Variants in PDE7A observed in about 807,000 individuals in gnomAD.
PDE7A encodes the protein high affinity 3',5'-cyclic-AMP phosphodiesterase 7A.
PDE7A carries 39 observed loss-of-function variants against 64.3 expected under a neutral mutation model. The ratio of observed to expected loss-of-function variants is 0.61; its 90% CI spans 0.47 to 0.79. The LOEUF (loss-of-function observed/expected upper bound fraction) is 0.79. Ranked by LOEUF, PDE7A falls within the 30% of genes least tolerant of loss-of-function variation. PDE7A has a pLI of 0.00. For missense variants in PDE7A, 470 were observed against 582.8 expected (o/e 0.81, Z 1.99); for synonymous variants, 203 against 206.8 (o/e 0.98, Z 0.16).
At chr8:65,814,531 AAAAAG>A (rs1162513960) in intron 1 of PDE7A, among the ~76,000 whole-genome samples, 1 of 150,900 alleles carries the variant, frequency 6.6e-6, no homozygotes, top group African/African-American at 2.4e-5. Flanking sequence ...AAAAAAAAAA[AAAAAG>A]GACTTTCATA....
intron 5 of PDE7A, among the ~76,000 whole-genome samples, chr8:65,740,538 G>C (rs1374128075): frequency 3.3e-5 from 5 of 151,962 alleles, no homozygotes; most frequent in African/African-American, 7.3e-5. Context: ...GTAGCAGGGA[G>C]TACAGGCACC....
chr8:65,718,284 C>G lies in PDE7A; in HGVS notation c.*1006G>C, dbSNP rs1478077674. On this transcript the variant is annotated 3_prime_UTR_variant, in exon 13 of 13. Transcript: ENST00000401827. Reference sequence around the variant, plus strand: ...GCACAGTCACACATGCACAAACATGCACGCAAACACACATCCGTACATTCA... The same window carrying G: ...GCACAGTCACACATGCACAAACATGGACGCAAACACACATCCGTACATTCA... The G allele has an allele frequency of 6.6e-6, 1 of 152,322 alleles. No individual in the cohort carries two copies. The highest frequency in any genetic ancestry group is 1.5e-5 in the Non-Finnish European group (1 of 68,050). The allele number at this position is 152,322 out of a possible 1,614,324, so 9.4% of individuals were successfully genotyped here.
intron 3 of PDE7A, among the ~76,000 whole-genome samples, chr8:65,777,454 C>A (rs1431399161): frequency 6.6e-6 from 1 of 152,122 alleles, no homozygotes; most frequent in East Asian, 1.9e-4. Flanking sequence ...TGGAAAAATA[C>A]TAATTAGGTC....
chr8:65,751,556 G>A (rs889421856), intron 3 of PDE7A, among the ~76,000 whole-genome samples: 3 of 151,838 alleles, frequency 2.0e-5, no homozygotes, highest in Admixed American at 6.6e-5. Context: ...GCAATGGTGC[G>A]ATATCGGCTC....
In PDE7A at chr8:65,842,053, G is replaced by A. The variant is rs1811112378; in HGVS notation, c.-545C>T. The A allele has an allele frequency of 1.0e-5, 2 of 196,052 alleles. No homozygotes were observed. The highest frequency in any genetic ancestry group is 8.1e-5 in the South Asian group (1 of 12,340). 12.1% of individuals were successfully genotyped at this position (196,052 alleles called of 1,614,324 possible). ...TTCACTCCGCCGCCGGCGCGAGCCC[G>A]GCGTAATTCACACTTTGCAGCCGCG... On this transcript the variant is annotated 5_prime_UTR_variant, in exon 1 of 13. Coordinates refer to ENST00000401827, the MANE Select transcript of PDE7A (RefSeq NM_001242318.3).
intron 1 of PDE7A, among the ~76,000 whole-genome samples, chr8:65,815,775 A>G (rs1810386657): frequency 6.6e-6 from 1 of 152,206 alleles, no homozygotes; most frequent in Non-Finnish European, 1.5e-5. Context: ...TTCAGATCCT[A>G]TGTTGTAACT....
At chr8:65,753,810 G>A (rs1301409526) in intron 3 of PDE7A, among the ~76,000 whole-genome samples, 2 of 152,068 alleles carry the variant, frequency 1.3e-5, no homozygotes, top group Non-Finnish European at 2.9e-5. Flanking sequence ...TTAGATATAC[G>A]TATGTGTTTA....
chr8:65,780,218 A>G (rs1380159910), intron 2 of PDE7A, among the ~76,000 whole-genome samples: 2 of 152,194 alleles, frequency 1.3e-5, no homozygotes, highest in Non-Finnish European at 2.9e-5. Flanking sequence ...AGCTGCAGAA[A>G]GAAGCAACAT....
intron 3 of PDE7A, among the ~76,000 whole-genome samples, chr8:65,751,790 CCCTT>C (rs756174898): frequency 8.5e-5 from 13 of 152,158 alleles, no homozygotes; most frequent in Non-Finnish European, 1.8e-4. Context: ...CTGCGCCCAG[CCCTT>C]CCTGAGTTTT....
chr8:65,836,783 C>T (rs944700246), intron 1 of PDE7A, among the ~76,000 whole-genome samples: 4 of 152,192 alleles, frequency 2.6e-5, no homozygotes, highest in African/African-American at 9.7e-5. Context: ...ATACTAGCCA[C>T]ATTTCAAGTG....
intron 1 of PDE7A, among the ~76,000 whole-genome samples, chr8:65,791,532 C>T (rs976752558): frequency 6.6e-6 from 1 of 152,218 alleles, no homozygotes; most frequent in African/African-American, 2.4e-5. Context: ...ACTGTGTTTG[C>T]AAGTGCCCTG....
chr8:65,724,956 A>G, intron 9 of PDE7A, 35 bp from the exon 10 acceptor site: 1 of 1,406,430 alleles, frequency 7.1e-7, no homozygotes, highest in Non-Finnish European at 9.8e-7. Flanking sequence ...AAAATATAAG[A>G]CTTTCAATTA....
chr8:65,734,519 C>T (rs1450870272), intron 7 of PDE7A, among the ~76,000 whole-genome samples: 1 of 152,152 alleles, frequency 6.6e-6, no homozygotes, highest in East Asian at 1.9e-4. Context: ...ACATGGAGCC[C>T]ATGTGGAGCT....
At chr8:65,833,101 G>A (rs771902012) in intron 1 of PDE7A, among the ~76,000 whole-genome samples, 1 of 152,072 alleles carries the variant, frequency 6.6e-6, no homozygotes, top group Non-Finnish European at 1.5e-5. Flanking sequence ...ACAACCAATC[G>A]AAATCTATAA....
At chr8:65,756,509 C>A (rs1047168019) in intron 3 of PDE7A, among the ~76,000 whole-genome samples, 2 of 152,060 alleles carry the variant, frequency 1.3e-5, no homozygotes, top group Non-Finnish European at 1.5e-5. Flanking sequence ...ATCCTTACTT[C>A]CCCCTGCTCA....
rs1365479448 is a variant in PDE7A, at chr8:65,724,906, T to A, written c.936A>T (p.Thr312=). The change falls in exon 10 of 13, where the codon ACA becomes ACT. Residue 312 remains threonine (T), a synonymous_variant. Transcript: ENST00000401827. ...LPLESRQQME[T]QIGALILATD... Reference sequence around the variant, plus strand: ...TGGCTAGTATCAGAGCACCTATCTGTGTCTCCATTTGTTGCCTGGAAATAG... The same window carrying A: ...TGGCTAGTATCAGAGCACCTATCTGAGTCTCCATTTGTTGCCTGGAAATAG... The A allele has an allele frequency of 6.3e-7, 1 of 1,597,164 alleles. No individual in the cohort carries two copies. Among genetic ancestry groups the A allele is most frequent in the Admixed American group, 1.7e-5 (1 of 57,932 alleles).
intron 12 of PDE7A, among the ~76,000 whole-genome samples, chr8:65,721,353 G>A (rs1393919988): frequency 2.0e-5 from 3 of 152,208 alleles, no homozygotes; most frequent in Non-Finnish European, 1.5e-5. Context: ...CTGCCCCTAT[G>A]TTGGGGAGTA....
chr8:65,824,643 A>C (rs1365177200), intron 1 of PDE7A, among the ~76,000 whole-genome samples: 1 of 152,250 alleles, frequency 6.6e-6, no homozygotes, highest in Non-Finnish European at 1.5e-5. Flanking sequence ...GCAGCCATCA[A>C]CTGAGGCAAG....
chr8:65,821,385 C>A (rs73242933), intron 1 of PDE7A, among the ~76,000 whole-genome samples: 2 of 146,002 alleles, frequency 1.4e-5, no homozygotes, highest in East Asian at 1.9e-4. Flanking sequence ...TTCCCTCCCC[C>A]CTAAACCAAG....
Sources: gnomAD v4.1 joint callset for allele counts (sites outside exome capture counted in the v4.1 genomes callset) on GRCh38, gnomAD v4.1.1 for gene constraint, MANE v1.5 for transcripts, NCBI Gene and HGNC (gene_info 2026-07-23, HGNC 2026-07-21) for gene names.